Variants in ACTN1 observed in about 807,000 individuals in gnomAD.
The protein encoded by ACTN1 is actinin alpha 1, also known as alpha-actinin-1.
A neutral mutation model predicts 119.6 loss-of-function variants in ACTN1; 30 were observed. That is an observed-to-expected ratio of 0.25 (90% CI 0.19 to 0.34). The LOEUF (loss-of-function observed/expected upper bound fraction) is 0.34. ACTN1 is among the 10% of genes least tolerant of loss of function. The pLI, the probability that ACTN1 is intolerant of heterozygous loss-of-function variation, is 1.00. For missense variants in ACTN1, 764 were observed against 1,223.4 expected (o/e 0.62, Z 5.60); for synonymous variants, 429 against 472.6 (o/e 0.91, Z 1.20).
chr14:68,978,557 G>C, intron 1 of ACTN1: 1 of 283,228 alleles, frequency 3.5e-6, no homozygotes, highest in East Asian at 1.3e-4. Flanking sequence ...GCCAGGGGCG[G>C]AAGAAAAGGG....
chr14:68,884,988 G>C, intron 12 of ACTN1, 105 bp from the exon 13 acceptor site: 1 of 907,426 alleles, frequency 1.1e-6, no homozygotes, highest in Non-Finnish European at 1.8e-6. Flanking sequence ...GCTGGGAAGA[G>C]CCAGGGGCGC....
At chr14:68,950,631 G>A (rs368096063) in intron 1 of ACTN1, among the ~76,000 whole-genome samples, 19 of 149,618 alleles carry the variant, frequency 1.3e-4, no homozygotes, top group African/African-American at 2.0e-4. Context: ...GTATGATCTC[G>A]GCTCACTGCA....
intron 8 of ACTN1, among the ~76,000 whole-genome samples, chr14:68,896,649 A>T (rs1482061206): frequency 3.9e-5 from 6 of 152,180 alleles, no homozygotes; most frequent in Non-Finnish European, 7.3e-5. Flanking sequence ...GGGAGGAAAG[A>T]TTCCTTCCCT....
At chr14:68,928,101 C>T (rs1307444812) in intron 1 of ACTN1, among the ~76,000 whole-genome samples, 1 of 152,222 alleles carries the variant, frequency 6.6e-6, no homozygotes, top group Non-Finnish European at 1.5e-5. Context: ...CTAGCAGGCA[C>T]TGCCCTGAGC....
At chr14:68,892,680 C>T (rs1284459003) in intron 9 of ACTN1, among the ~76,000 whole-genome samples, 9 of 152,120 alleles carry the variant, frequency 5.9e-5, no homozygotes, top group Non-Finnish European at 7.4e-5. Flanking sequence ...CAGCTATTTC[C>T]AGAAGTTCTT....
chr14:68,978,834 C>T (rs1372987211), intron 1 of ACTN1, 118 bp downstream of exon 1: 2 of 607,560 alleles, frequency 3.3e-6, no homozygotes, highest in African/African-American at 2.0e-5. Flanking sequence ...CGCCCCCGCC[C>T]CCTCCCGTGC....
At chr14:68,963,957 A>G (rs2140630082) in intron 1 of ACTN1, among the ~76,000 whole-genome samples, 1 of 152,360 alleles carries the variant, frequency 6.6e-6, no homozygotes, top group East Asian at 1.9e-4. Flanking sequence ...TGCAACTAGC[A>G]TGCATCATGG....
At chr14:68,953,876 ACT>A (rs1474313278) in intron 1 of ACTN1, among the ~76,000 whole-genome samples, 1 of 148,854 alleles carries the variant, frequency 6.7e-6, no homozygotes, top group African/African-American at 2.5e-5. Context: ...ACACAGCAAG[ACT>A]CTGTCTCAAA....
intron 1 of ACTN1, among the ~76,000 whole-genome samples, chr14:68,938,031 G>A (rs1594846797): frequency 6.6e-6 from 1 of 152,234 alleles, no homozygotes; most frequent in Non-Finnish European, 1.5e-5. Flanking sequence ...GTGGGCCCTG[G>A]GTGGTTTGTC....
intron 6 of ACTN1, among the ~76,000 whole-genome samples, chr14:68,908,996 T>C (rs1377168227): frequency 6.6e-6 from 1 of 152,160 alleles, no homozygotes; most frequent in African/African-American, 2.4e-5. Flanking sequence ...TGTCTCCTCT[T>C]TACAAATCCC....
At chr14:68,927,108 T>C (rs1025557717) in intron 1 of ACTN1, among the ~76,000 whole-genome samples, 3 of 152,324 alleles carry the variant, frequency 2.0e-5, no homozygotes, top group Non-Finnish European at 2.9e-5. Flanking sequence ...AAACGGCGTA[T>C]TGTGCTATCC....
chr14:68,966,234 CTAAT>C (rs2036703810), intron 1 of ACTN1, among the ~76,000 whole-genome samples: 1 of 152,216 alleles, frequency 6.6e-6, no homozygotes, highest in African/African-American at 2.4e-5. Flanking sequence ...AAAAAAGTAA[CTAAT>C]TTTGTTTTTA....
At chr14:68,920,234 T>C (rs1027066044) in intron 3 of ACTN1, among the ~76,000 whole-genome samples, 20 of 152,252 alleles carry the variant, frequency 1.3e-4, no homozygotes, top group Admixed American at 1.3e-3. Flanking sequence ...ATTAAGTATA[T>C]GCCACAGAGT....
At chr14:68,930,341 T>C (rs565816789) in intron 1 of ACTN1, among the ~76,000 whole-genome samples, 5 of 152,348 alleles carry the variant, frequency 3.3e-5, no homozygotes, top group African/African-American at 1.2e-4. Context: ...TCAATGTGTC[T>C]GAAATATAGT....
intron 1 of ACTN1, among the ~76,000 whole-genome samples, chr14:68,949,683 G>T (rs1248766736): frequency 1.3e-5 from 2 of 152,184 alleles, no homozygotes; most frequent in Non-Finnish European, 2.9e-5. Flanking sequence ...GTTCACAACG[G>T]CCAAAAGGGG....
At chr14:68,942,370 C>A (rs1420872698) in intron 1 of ACTN1, among the ~76,000 whole-genome samples, 1 of 101,406 alleles carries the variant, frequency 9.9e-6, no homozygotes, top group Non-Finnish European at 1.9e-5. Context: ...GACAGTGAGA[C>A]CCCAGCTCAA....
At chr14:68,897,123 CA>C (rs1432821899) in intron 8 of ACTN1, among the ~76,000 whole-genome samples, 2 of 152,152 alleles carry the variant, frequency 1.3e-5, no homozygotes, top group Non-Finnish European at 2.9e-5. Context: ...GCTGGGATTA[CA>C]GGTGCATGCG....
At chr14:68,922,480 G>A (rs2034702592) in intron 2 of ACTN1, among the ~76,000 whole-genome samples, 1 of 152,160 alleles carries the variant, frequency 6.6e-6, no homozygotes, top group South Asian at 2.1e-4. Flanking sequence ...ATGGCACAGA[G>A]GCTCCCTCCC....
Position 68,951,340 on chromosome 14 carries a change from A to T in ACTN1, c.106-25668T>A, listed in dbSNP as rs576009765. The stretch of plus-strand genomic sequence containing the variant: ...CAGACTGTTATGGAGAAACCACCCC[A>T]CCGTCCTCCACTACAGGAGAGGAAG... On this transcript the variant is annotated intron_variant, in intron 1 of 21. Coordinates refer to ENST00000394419, the MANE Select transcript of ACTN1 (RefSeq NM_001130004.2). Among the ~76,000 whole-genome samples the T allele has an allele frequency of 9.9e-5, 15 of 152,254 alleles. No homozygotes were observed. The South Asian group carries it at 1.2e-3, about 13-fold the overall frequency.
Sources: allele counts gnomAD v4.1 joint callset (sites outside exome capture counted in the v4.1 genomes callset), GRCh38; gene constraint gnomAD v4.1.1; transcripts MANE v1.5; gene names NCBI Gene and HGNC (gene_info 2026-07-23, HGNC 2026-07-21).